Variants in CEP72 observed in about 807,000 individuals in gnomAD.
CEP72 encodes centrosomal protein 72.
In CEP72, 78 loss-of-function variants were observed where a neutral mutation model predicts 65.7. The ratio of observed to expected loss-of-function variants is 1.19; its 90% confidence interval spans 0.99 to 1.43. The LOEUF (loss-of-function observed/expected upper bound fraction) is 1.43, where lower values mean the gene tolerates loss of function less well. Ranked by LOEUF, CEP72 falls within the 40% of genes most tolerant of loss-of-function variation. CEP72 has a pLI of 0.00. For synonymous variants in CEP72, 358 were observed against 351.7 expected (o/e 1.02, Z -0.20); for missense variants, 914 against 832.9 (o/e 1.10, Z -1.20).
downstream of CEP72, among the ~76,000 whole-genome samples, chr5:670,567 G>T (rs955426657): frequency 1.3e-5 from 2 of 152,264 alleles, no homozygotes; most frequent in Non-Finnish European, 2.9e-5. Flanking sequence ...CACGGGGGGA[G>T]GGGGAGCTTC....
chr5:651,915 C>T (rs1056234586), intron 11 of CEP72, among the ~76,000 whole-genome samples: 3 of 151,396 alleles, frequency 2.0e-5, no homozygotes, highest in Non-Finnish European at 2.9e-5. Flanking sequence ...TACCTGGGTT[C>T]GACCACAGTC....
At chr5:617,699 CAG>C (rs923754641) in intron 1 of CEP72, among the ~76,000 whole-genome samples, 6 of 152,140 alleles carry the variant, frequency 3.9e-5, no homozygotes, top group Admixed American at 3.3e-4. Flanking sequence ...CCTGAGGAAA[CAG>C]GGAAACGTGG....
chr5:619,322 A>G (rs941161595), intron 2 of CEP72, among the ~76,000 whole-genome samples: 4 of 152,162 alleles, frequency 2.6e-5, no homozygotes, highest in Admixed American at 2.6e-4. Context: ...GACGATGATT[A>G]TATCTTTAAA....
chr5:654,088 TGTGCTA>T (rs1278285949), downstream of CEP72, among the ~76,000 whole-genome samples: 2 of 146,402 alleles, frequency 1.4e-5, no homozygotes, highest in Admixed American at 7.4e-5. Flanking sequence ...CTAGTGTGTG[TGTGCTA>T]GCTGTGTGTG....
the CEP72 span, among the ~76,000 whole-genome samples, chr5:673,562 C>T: frequency 6.6e-6 from 1 of 152,194 alleles, no homozygotes; most frequent in Non-Finnish European, 1.5e-5. Flanking sequence ...ACACGGCGCC[C>T]ACTCACGGTG....
At chr5:619,142 A>T in intron 2 of CEP72, 25 bp downstream of exon 2, 1 of 1,601,278 alleles carries the variant, frequency 6.2e-7, no homozygotes, top group Non-Finnish European at 8.5e-7. Context: ...TCTTTCTTAA[A>T]ATTTATTGCT....
intron 11 of CEP72, among the ~76,000 whole-genome samples, chr5:651,474 C>T (rs1409707595): frequency 1.3e-5 from 2 of 151,918 alleles, no homozygotes; most frequent in South Asian, 2.1e-4. Flanking sequence ...TCGGGCACGG[C>T]GGGGCAACCT....
intron 5 of CEP72, among the ~76,000 whole-genome samples, chr5:634,402 T>C (rs1432451102): frequency 6.6e-6 from 1 of 152,256 alleles, no homozygotes; most frequent in African/African-American, 2.4e-5. Context: ...TGGGATGTGC[T>C]GATGGGCTTT....
In CEP72 at chr5:647,846, G is replaced by T; in HGVS notation, c.1708G>T (p.Glu570Ter). Residue 570 changes from glutamate (E) to a stop codon, truncating the protein, a stop_gained, in exon 11 of 12, where the codon GAA (glutamate) becomes TAA (stop). Transcript: ENST00000264935. LOFTEE classifies it high-confidence loss of function. ...GAAGAGGCTGTGTGGCGAGATTGTG[G>T]AACTGAAGCAGCACCTGGAGCACTA... is the stretch of plus-strand genomic sequence containing the variant. Reference protein sequence around the residue: ...SVKRLCGEIVELKQHLEHYDK... With the variant: ...SVKRLCGEIV 1 of 1,612,782 alleles carries T rather than the reference G, an allele frequency of 6.2e-7. No homozygotes were observed. Among genetic ancestry groups the T allele is most frequent in the Admixed American group, 1.7e-5 (1 of 60,020 alleles).
At chr5:659,821 A>AT (rs1183828806), downstream of CEP72, 3 of 152,414 alleles carry the variant, frequency 2.0e-5, no homozygotes, top group African/African-American at 7.2e-5. Flanking sequence ...ATCCCCTGTT[A>AT]TCACCTGTTA....
intron 11 of CEP72, among the ~76,000 whole-genome samples, chr5:652,485 A>G (rs1739172609): frequency 6.6e-6 from 1 of 152,170 alleles, no homozygotes; most frequent in South Asian, 2.1e-4. Context: ...AAAGTGGGTA[A>G]AATGTAATAG....
chr5:629,093 G>T (rs527561240), intron 4 of CEP72, among the ~76,000 whole-genome samples: 1 of 152,228 alleles, frequency 6.6e-6, no homozygotes, highest in African/African-American at 2.4e-5. Flanking sequence ...CAAAAGCAGC[G>T]TTCCTGGTCA....
chr5:669,448 C>T (rs1386712852), downstream of CEP72, among the ~76,000 whole-genome samples: 2 of 152,154 alleles, frequency 1.3e-5, no homozygotes, highest in Non-Finnish European at 1.5e-5. Flanking sequence ...TGACAGTGCC[C>T]ATTGGGCCCT....
chr5:669,655 G>T (rs766426894), downstream of CEP72, among the ~76,000 whole-genome samples: 3 of 152,132 alleles, frequency 2.0e-5, no homozygotes, highest in Admixed American at 6.5e-5. Context: ...TGAGTCACTC[G>T]GCGGGAGGGG....
At chr5:674,002 T>C in the CEP72 span, among the ~76,000 whole-genome samples, 3 of 152,212 alleles carry the variant, frequency 2.0e-5, no homozygotes, top group African/African-American at 7.2e-5. Context: ...AAAGCAACTT[T>C]CTGCAGAAGG....
In CEP72 at chr5:664,996, A is replaced by T; in HGVS notation, n.288-184A>T. On this transcript the variant is annotated intron_variant and non_coding_transcript_variant, in intron 2 of 4. Transcript: ENST00000514507. ...GCCGCCCCCCAGCCCCCTCTGGGGC[A>T]CCCGTCTGAGTTCTGCCCCAGTTAG... is the stretch of plus-strand genomic sequence containing the variant. 3 of 1,376,294 alleles carry T rather than the reference A, an allele frequency of 2.2e-6. No homozygotes were observed. In the South Asian group the frequency reaches 4.1e-5, roughly 19 times the overall value. 85.3% of individuals were successfully genotyped at this position (1,376,294 alleles called of 1,614,324 possible).
chr5:635,733 C>T (rs1019588885), intron 6 of CEP72, 149 bp downstream of exon 6: 15 of 647,306 alleles, frequency 2.3e-5, no homozygotes, highest in African/African-American at 1.8e-4. Flanking sequence ...GCTGGTCCTC[C>T]CATGGCACAG....
chr5:671,001 G>A (rs1372812586), downstream of CEP72, among the ~76,000 whole-genome samples: 1 of 152,188 alleles, frequency 6.6e-6, no homozygotes, highest in Non-Finnish European at 1.5e-5. Context: ...GGCAGCTCAG[G>A]CCCCAGGGCG....
intron 10 of CEP72, among the ~76,000 whole-genome samples, chr5:644,972 T>G (rs763827651): frequency 3.9e-5 from 6 of 152,168 alleles, no homozygotes; most frequent in Non-Finnish European, 7.3e-5. Context: ...TATTTCAAGT[T>G]CAGATACCTG....
Sources: allele counts gnomAD v4.1 joint callset (sites outside exome capture counted in the v4.1 genomes callset), GRCh38; gene constraint gnomAD v4.1.1; transcripts MANE v1.5; gene names NCBI Gene and HGNC (gene_info 2026-07-23, HGNC 2026-07-21).